Variants in COL25A1 observed in about 807,000 individuals in gnomAD.
COL25A1 encodes collagen type XXV alpha 1 chain.
Under a neutral mutation model 128.4 loss-of-function variants are expected in COL25A1, and 103 were observed. The observed-to-expected ratio is 0.80, with a 90% CI of 0.68 to 0.94. The LOEUF (loss-of-function observed/expected upper bound fraction) is 0.94. Among genes scored for constraint, COL25A1 ranks in the 40% least tolerant of loss-of-function variants. The pLI, the probability that COL25A1 is intolerant of heterozygous loss-of-function variation, is 0.00. For missense variants in COL25A1, 745 were observed against 840.0 expected, an observed-to-expected ratio of 0.89 and a Z score of 1.40; for synonymous variants, 279 against 277.2, an observed-to-expected ratio of 1.01 and a Z score of -0.06.
chr4:109,197,773 T>C (rs2126175812), intron 3 of COL25A1, among the ~76,000 whole-genome samples: 1 of 151,870 alleles, frequency 6.6e-6, no homozygotes, highest in African/African-American at 2.4e-5. Context: ...AATATGCATG[T>C]ATGTATACCT....
rs1733155204 is a variant in COL25A1 at position 108,831,803 on chromosome 4, G to T, written c.1710+577C>A. Among the ~76,000 whole-genome samples the T allele has an allele frequency of 2.6e-5, 4 of 151,752 alleles. No homozygotes were observed. In the South Asian group the frequency reaches 8.3e-4, roughly 32 times the overall value. On this transcript the variant is annotated intron_variant, in intron 32 of 37. Transcript: ENST00000399132. ...TCTGAATGTCTTTTTTCCCCCAAAA[G>T]ATATGGAAACATGGCCTAGCAATAG...
intron 3 of COL25A1, among the ~76,000 whole-genome samples, chr4:109,180,700 A>G (rs1160004076): frequency 6.6e-6 from 1 of 152,150 alleles, no homozygotes; most frequent in Admixed American, 6.5e-5. Context: ...ATTTCCATTA[A>G]GTTTATAAAA....
intron 3 of COL25A1, among the ~76,000 whole-genome samples, chr4:109,231,390 A>G (rs867216273): frequency 6.6e-6 from 1 of 152,172 alleles, no homozygotes; most frequent in African/African-American, 2.4e-5. Context: ...ATTTAGTTCA[A>G]CTTCCTCATT....
intron 5 of COL25A1, among the ~76,000 whole-genome samples, chr4:109,036,556 A>AAAT (rs1759373359): frequency 6.6e-6 from 1 of 152,188 alleles, no homozygotes; most frequent in Non-Finnish European, 1.5e-5. Flanking sequence ...GCATCAGGAT[A>AAAT]AATAATCCAC....
intron 31 of COL25A1, among the ~76,000 whole-genome samples, chr4:108,833,048 G>A (rs1180305239): frequency 2.0e-5 from 3 of 148,992 alleles, no homozygotes; most frequent in Admixed American, 1.3e-4. Flanking sequence ...AAATGTAATT[G>A]TTTTTCCTTC....
At chr4:108,937,665 A>C in intron 11 of COL25A1, 143 bp downstream of exon 11, 1 of 580,822 alleles carries the variant, frequency 1.7e-6, no homozygotes, top group Non-Finnish European at 3.0e-6. Flanking sequence ...AGCATGTAGT[A>C]GGCCATATTA....
At chr4:109,023,288 A>G (rs942537968) in intron 5 of COL25A1, among the ~76,000 whole-genome samples, 1 of 152,226 alleles carries the variant, frequency 6.6e-6, no homozygotes, top group African/African-American at 2.4e-5. Context: ...AGGCTGTTGG[A>G]GTGACTAAAT....
chr4:109,119,218 G>C (rs1252367786), intron 3 of COL25A1, among the ~76,000 whole-genome samples: 1 of 151,978 alleles, frequency 6.6e-6, no homozygotes, highest in South Asian at 2.1e-4. Context: ...GCAGTGCTTA[G>C]AGGAAAATTT....
At chr4:108,926,769 T>A (rs922312569) in intron 11 of COL25A1, among the ~76,000 whole-genome samples, 2 of 151,820 alleles carry the variant, frequency 1.3e-5, no homozygotes, top group East Asian at 3.9e-4. Context: ...TCTGCTTGGA[T>A]GTTTGATGTG....
intron 3 of COL25A1, among the ~76,000 whole-genome samples, chr4:109,283,411 T>C (rs972970932): frequency 3.3e-5 from 5 of 152,102 alleles, no homozygotes; most frequent in African/African-American, 1.2e-4. Flanking sequence ...CATACCAGGC[T>C]AATTTTTTTT....
chr4:108,883,957 G>C (rs1168112109), intron 19 of COL25A1, among the ~76,000 whole-genome samples: 1 of 152,186 alleles, frequency 6.6e-6, no homozygotes, highest in African/African-American at 2.4e-5. Context: ...AGGGGCAGTA[G>C]TAAGTTAAAT....
intron 3 of COL25A1, among the ~76,000 whole-genome samples, chr4:109,199,122 T>C (rs988033554): frequency 6.6e-6 from 1 of 152,186 alleles, no homozygotes; most frequent in African/African-American, 2.4e-5. Flanking sequence ...AAGAATTACC[T>C]AGTATTTTTA....
chr4:109,262,927 C>T (rs1423013043), intron 3 of COL25A1, among the ~76,000 whole-genome samples: 1 of 151,988 alleles, frequency 6.6e-6, no homozygotes, highest in Non-Finnish European at 1.5e-5. Context: ...GTCAGGAGCT[C>T]GAGAGCAGCC....
chr4:109,045,754 T>C (rs943966887), intron 5 of COL25A1, among the ~76,000 whole-genome samples: 1 of 152,198 alleles, frequency 6.6e-6, no homozygotes, highest in African/African-American at 2.4e-5. Flanking sequence ...TCTTATCAAA[T>C]ATAAGCAACT....
At chr4:108,857,114 C>T (rs1162446582) in intron 24 of COL25A1, among the ~76,000 whole-genome samples, 1 of 151,924 alleles carries the variant, frequency 6.6e-6, no homozygotes, top group Non-Finnish European at 1.5e-5. Context: ...AGAAAATGCC[C>T]AATTATATTG....
chr4:109,268,365 G>A (rs549084663), intron 3 of COL25A1, among the ~76,000 whole-genome samples: 9 of 152,096 alleles, frequency 5.9e-5, no homozygotes, highest in Non-Finnish European at 1.2e-4. Flanking sequence ...GTTGTGAGGT[G>A]AGAAAATGAC....
At position 108,954,439 on chromosome 4, in the gene COL25A1, G is replaced by A. The variant is rs78983705; in HGVS notation, c.493-13002C>T. 4.8e-3 allele frequency among the ~76,000 whole-genome samples: 725 copies of A among 151,744 alleles called. 14 individuals carry two copies. The East Asian group carries it at 0.063, about 13-fold the overall frequency. Reference sequence around the variant, plus strand: ...ATTTATTCGCACATATAATTTACTCGAAATAACTACACTGATAATATTCAT... The same window carrying A: ...ATTTATTCGCACATATAATTTACTCAAAATAACTACACTGATAATATTCAT... On this transcript the variant is annotated intron_variant, in intron 8 of 37. Coordinates refer to ENST00000399132, the MANE Select transcript of COL25A1 (RefSeq NM_198721.4).
In COL25A1 at chr4:109,116,055, C is replaced by A. The variant is rs934282151; in HGVS notation, c.368-65876G>T. ...GAATCAAAACTTAACTGGAACTCAG[C>A]AGAAACCAGTGCCAGGATAGGAAAA... is the stretch of plus-strand genomic sequence containing the variant. On this transcript the variant is annotated intron_variant, in intron 3 of 37. Coordinates refer to ENST00000399132, the MANE Select transcript of COL25A1 (RefSeq NM_198721.4). 3.9e-5 allele frequency among the ~76,000 whole-genome samples: 6 copies of A among 152,116 alleles called. No individual in the cohort carries two copies. The East Asian group carries it at 1.2e-3, about 29-fold the overall frequency.
chr4:108,909,509 T>C, intron 13 of COL25A1, among the ~76,000 whole-genome samples: 1 of 152,202 alleles, frequency 6.6e-6, no homozygotes. Context: ...ACATGTTAGT[T>C]GTATCAATAA....
Sources: allele counts gnomAD v4.1 joint callset (sites outside exome capture counted in the v4.1 genomes callset), GRCh38; gene constraint gnomAD v4.1.1; transcripts MANE v1.5; gene names NCBI Gene and HGNC (gene_info 2026-07-23, HGNC 2026-07-21).